FHIT: variants seen among roughly 807,000 people sequenced by gnomAD.
FHIT encodes the protein fragile histidine triad diadenosine triphosphatase, also known as bis(5'-adenosyl)-triphosphatase.
Under a neutral mutation model 17.9 loss-of-function variants are expected in FHIT, and 19 were observed. The ratio of observed to expected loss-of-function variants is 1.06; its 90% confidence interval spans 0.74 to 1.56. FHIT has a LOEUF of 1.56. Ranked by LOEUF, FHIT falls within the 40% of genes most tolerant of loss-of-function variation. The pLI is 0.00. For synonymous variants in FHIT, 81 were observed against 69.7 expected (o/e 1.16, Z -0.81); for missense variants, 248 against 189.2 (o/e 1.31, Z -1.82).
intron 4 of FHIT, among the ~76,000 whole-genome samples, chr3:60,694,502 G>A (rs2041069512): frequency 6.6e-6 from 1 of 152,196 alleles, no homozygotes; most frequent in African/African-American, 2.4e-5. Context: ...GGAAGTCAGT[G>A]TGGCGATTCC....
At chr3:60,183,290 T>C (rs9865027) in intron 5 of FHIT, among the ~76,000 whole-genome samples, 83,260 of 151,814 alleles carry the variant, frequency 0.55, 23,642 homozygotes, top group East Asian at 0.92. Flanking sequence ...CCCAGCTACT[T>C]GGGAGGCTTA....
intron 4 of FHIT, among the ~76,000 whole-genome samples, chr3:60,567,015 G>A (rs1386705255): frequency 7.8e-4 from 115 of 148,276 alleles, no homozygotes; most frequent in African/African-American, 1.2e-3. Flanking sequence ...AATCAATATC[G>A]TGAAAATGGC....
intron 3 of FHIT, among the ~76,000 whole-genome samples, chr3:60,834,664 G>T (rs1702465382): frequency 6.6e-6 from 1 of 151,544 alleles, no homozygotes; most frequent in Non-Finnish European, 1.5e-5. Context: ...TTGAGACCTG[G>T]CCAACACGGC....
chr3:61,100,321 T>C (rs1358512535), intron 2 of FHIT, among the ~76,000 whole-genome samples: 2 of 152,210 alleles, frequency 1.3e-5, no homozygotes, highest in Admixed American at 6.5e-5. Flanking sequence ...TCCGGTTTTC[T>C]GTCCTTGTAA....
chr3:60,498,213 T>C (rs2034381803), intron 5 of FHIT, among the ~76,000 whole-genome samples: 1 of 152,182 alleles, frequency 6.6e-6, no homozygotes, highest in African/African-American at 2.4e-5. Flanking sequence ...AGGCATTTCC[T>C]CCAATCTTTG....
intron 3 of FHIT, among the ~76,000 whole-genome samples, chr3:60,980,408 T>A (rs533399681): frequency 9.2e-5 from 14 of 152,020 alleles, no homozygotes; most frequent in Non-Finnish European, 2.1e-4. Context: ...GAATGGAAAA[T>A]AAGTACAGTG....
chr3:60,569,458 A>T (rs1414338558), intron 4 of FHIT, among the ~76,000 whole-genome samples: 1 of 151,964 alleles, frequency 6.6e-6, no homozygotes, highest in Admixed American at 6.6e-5. Flanking sequence ...ATGTGAATAG[A>T]TGTAAGGAAA....
intron 3 of FHIT, among the ~76,000 whole-genome samples, chr3:60,837,099 G>C (rs545403243): frequency 6.6e-6 from 1 of 152,200 alleles, no homozygotes; most frequent in East Asian, 1.9e-4. Context: ...GGGTCTCCAA[G>C]CTTATTCCGC....
At chr3:59,915,712 G>A (rs1298264230) in intron 8 of FHIT, among the ~76,000 whole-genome samples, 2 of 152,302 alleles carry the variant, frequency 1.3e-5, no homozygotes, top group African/African-American at 4.8e-5. Context: ...GGCCAAGCCA[G>A]GAGGATTGCT....
chr3:60,515,029 T>C (rs1003968995), intron 5 of FHIT, among the ~76,000 whole-genome samples: 1 of 151,252 alleles, frequency 6.6e-6, no homozygotes, highest in African/African-American at 2.4e-5. Flanking sequence ...GGAGGGACAG[T>C]GACCTCCGAC....
chr3:60,816,876 T>A (rs56290432), intron 4 of FHIT, among the ~76,000 whole-genome samples: 2 of 151,988 alleles, frequency 1.3e-5, no homozygotes, highest in Non-Finnish European at 2.9e-5. Flanking sequence ...ATTAGTCCAC[T>A]GACATTTAGT....
Position 60,078,404 on chromosome 3 carries a change from T to C in FHIT, c.104-64252A>G, listed in dbSNP as rs138939416. Among the ~76,000 whole-genome samples, 529 of 152,154 alleles carry C rather than the reference T, an allele frequency of 3.5e-3. 2 individuals carry two copies. The highest frequency in any genetic ancestry group is 0.012 in the African/African-American group (502 of 41,518). Reference sequence around the variant, plus strand: ...AAATCTGATTCTAACCATGAAGAAATGCCACATCAGACAAACTCAAATTAA... The same window carrying C: ...AAATCTGATTCTAACCATGAAGAAACGCCACATCAGACAAACTCAAATTAA... On this transcript the variant is annotated intron_variant, in intron 5 of 9. Transcript: ENST00000492590.
rs1575827327 is a variant in FHIT at position 59,987,867 on chromosome 3, T to TGCCC, written c.279+23503_279+23504insGGGC. ...AGAGATGTCTGCCCCATCTAAAGTC[T>TGCCC]TATTTTTCTATTTCCTATATCAAGA... On this transcript the variant is annotated intron_variant, in intron 7 of 9. Transcript: ENST00000492590. Among the ~76,000 whole-genome samples, 3 of 152,208 alleles carry TGCCC rather than the reference T, an allele frequency of 2.0e-5. No individual in the cohort carries two copies. The East Asian group carries it at 5.8e-4, about 29-fold the overall frequency.
At chr3:60,686,195 A>T (rs2040858706) in intron 4 of FHIT, among the ~76,000 whole-genome samples, 1 of 152,142 alleles carries the variant, frequency 6.6e-6, no homozygotes, top group Admixed American at 6.6e-5. Flanking sequence ...AGTATTTAGC[A>T]GTGCAGTTTC....
chr3:60,212,612 G>T (rs983330667), intron 5 of FHIT, among the ~76,000 whole-genome samples: 1 of 152,088 alleles, frequency 6.6e-6, no homozygotes, highest in African/African-American at 2.4e-5. Flanking sequence ...TGTTGTTTAA[G>T]CACTAAAATA....
intron 5 of FHIT, among the ~76,000 whole-genome samples, chr3:60,083,654 TTTCTC>T (rs1377798458): frequency 3.3e-5 from 5 of 152,172 alleles, no homozygotes; most frequent in African/African-American, 1.2e-4. Context: ...CCTCAAACCT[TTTCTC>T]TAATGTCTGG....
intron 5 of FHIT, among the ~76,000 whole-genome samples, chr3:60,394,521 G>A (rs944234573): frequency 2.0e-5 from 3 of 152,162 alleles, no homozygotes; most frequent in African/African-American, 7.2e-5. Context: ...GGGAAAGGAT[G>A]AAGCGGCAGT....
At chr3:60,680,647 G>C (rs1377617620) in intron 4 of FHIT, among the ~76,000 whole-genome samples, 51 of 149,606 alleles carry the variant, frequency 3.4e-4, no homozygotes, top group Admixed American at 3.4e-3. Context: ...AGGAAATATA[G>C]GAAAATCATC....
intron 9 of FHIT, 161 bp downstream of exon 9, chr3:59,752,060 T>C (rs1201084568): frequency 3.7e-6 from 2 of 537,422 alleles, no homozygotes; most frequent in Middle Eastern, 5.0e-4. Flanking sequence ...GGGAATACAG[T>C]ACTCAAGGGC....
Sources: allele counts gnomAD v4.1 joint callset (sites outside exome capture counted in the v4.1 genomes callset), GRCh38; gene constraint gnomAD v4.1.1; transcripts MANE v1.5; gene names NCBI Gene and HGNC (gene_info 2026-07-23, HGNC 2026-07-21).